TYW1B: variants seen among roughly 807,000 people sequenced by gnomAD.
TYW1B encodes S-adenosyl-L-methionine-dependent tRNA 4-demethylwyosine synthase TYW1B.
TYW1B carries 73 observed loss-of-function variants against 86.9 expected under a neutral mutation model. That is an observed-to-expected ratio of 0.84 (90% CI 0.70 to 1.02). TYW1B has a LOEUF of 1.02. Among genes scored for constraint, TYW1B ranks in the 50% least tolerant of loss-of-function variants. The probability of loss-of-function intolerance (pLI) is 0.00; values close to 1 mark genes in which losing one functional copy is unlikely to be tolerated. For synonymous variants in TYW1B, 248 were observed against 292.8 expected, an observed-to-expected ratio of 0.85 and a Z score of 1.56; for missense variants, 637 against 827.4, an observed-to-expected ratio of 0.77 and a Z score of 2.82.
At chr7:72,739,307 T>A (rs4081066) in intron 8 of TYW1B, among the ~76,000 whole-genome samples, 8,421 of 151,998 alleles carry the variant, frequency 0.055, 557 homozygotes, top group East Asian at 0.34. Flanking sequence ...AGAATTTTTT[T>A]AAAGTGGGTA....
chr7:72,731,024 A>G (rs146207527), intron 8 of TYW1B, among the ~76,000 whole-genome samples: 1,989 of 151,210 alleles, frequency 0.013, 54 homozygotes, highest in African/African-American at 0.046. Context: ...ATTGAAAAGC[A>G]TCACGTCACA....
chr7:72,803,353 G>A (rs782368003), intron 5 of TYW1B, among the ~76,000 whole-genome samples: 9 of 152,058 alleles, frequency 5.9e-5, no homozygotes, highest in Non-Finnish European at 8.8e-5. Flanking sequence ...TCAGGGGAAC[G>A]AGACACATGC....
intron 12 of TYW1B, among the ~76,000 whole-genome samples, chr7:72,628,128 C>G (rs1812395365): frequency 6.6e-6 from 1 of 151,886 alleles, no homozygotes; most frequent in Non-Finnish European, 1.5e-5. Flanking sequence ...CTTCTCTCTA[C>G]AAAAAATAGC....
intron 6 of TYW1B, among the ~76,000 whole-genome samples, chr7:72,797,974 T>C (rs1265029905): frequency 1.3e-5 from 2 of 151,458 alleles, no homozygotes; most frequent in African/African-American, 4.9e-5. Flanking sequence ...GCAAAGTCTT[T>C]CAGTGAACCC....
intron 11 of TYW1B, among the ~76,000 whole-genome samples, chr7:72,668,565 G>A (rs181517451): frequency 2.0e-5 from 3 of 152,104 alleles, no homozygotes; most frequent in East Asian, 1.9e-4. Flanking sequence ...CTCCCCATCC[G>A]ACCCCATGCT....
intron 11 of TYW1B, among the ~76,000 whole-genome samples, chr7:72,693,888 T>C (rs2129570254): frequency 6.6e-6 from 1 of 152,272 alleles, no homozygotes. Flanking sequence ...TTATAAGTAA[T>C]GTAGAGATGA....
chr7:72,725,167 T>A (rs1317767854), intron 9 of TYW1B, among the ~76,000 whole-genome samples: 1 of 152,182 alleles, frequency 6.6e-6, no homozygotes, highest in Non-Finnish European at 1.5e-5. Flanking sequence ...AAAGTCTACC[T>A]CATGGTTTAT....
intron 5 of TYW1B, among the ~76,000 whole-genome samples, chr7:72,803,665 G>A (rs1166364542): frequency 1.3e-5 from 2 of 152,094 alleles, no homozygotes; most frequent in Admixed American, 6.6e-5. Context: ...CCAGGCTGGA[G>A]TGCAGTGGCG....
At chr7:72,636,559 T>C (rs1812672000) in intron 11 of TYW1B, among the ~76,000 whole-genome samples, 1 of 152,258 alleles carries the variant, frequency 6.6e-6, no homozygotes, top group Admixed American at 6.5e-5. Flanking sequence ...ATGACTTTTA[T>C]GGGTAAATAT....
At chr7:72,827,309 GA>G (rs1156745521) in intron 1 of TYW1B, among the ~76,000 whole-genome samples, 1 of 152,214 alleles carries the variant, frequency 6.6e-6, no homozygotes, top group Non-Finnish European at 1.5e-5. Context: ...TCGGGAGGCT[GA>G]GGCAGGAGAA....
chr7:72,737,130 G>A (rs1380983676), intron 8 of TYW1B, among the ~76,000 whole-genome samples: 1 of 152,210 alleles, frequency 6.6e-6, no homozygotes, highest in Non-Finnish European at 1.5e-5. Flanking sequence ...TTCTACAGCT[G>A]AGAAACTGAG....
intron 11 of TYW1B, among the ~76,000 whole-genome samples, chr7:72,660,937 G>C (rs1198664520): frequency 6.6e-6 from 1 of 151,324 alleles, no homozygotes; most frequent in Non-Finnish European, 1.5e-5. Context: ...AGGAGTTCAA[G>C]ACCAGCCTGG....
chr7:72,823,698 G>A (rs1409871871), intron 2 of TYW1B, among the ~76,000 whole-genome samples: 1 of 151,928 alleles, frequency 6.6e-6, no homozygotes, highest in Non-Finnish European at 1.5e-5. Flanking sequence ...CTTTAAGATG[G>A]AAGATGGCTA....
intron 11 of TYW1B, among the ~76,000 whole-genome samples, chr7:72,640,584 G>A (rs1322594513): frequency 3.3e-5 from 5 of 149,588 alleles, no homozygotes; most frequent in African/African-American, 1.2e-4. Flanking sequence ...AAGGTGAGAA[G>A]GGCATTATAA....
In TYW1B at chr7:72,675,094, C is replaced by A. The variant is rs1813704461; in HGVS notation, c.1506+19593G>T. On this transcript the variant is annotated intron_variant, in intron 11 of 13. Transcript: ENST00000620995. Reference sequence around the variant, plus strand: ...AAACAACCGATTCCCAATGAAAAACCTGTAGGAAAATGACAAAACAAAGGC... The same window carrying A: ...AAACAACCGATTCCCAATGAAAAACATGTAGGAAAATGACAAAACAAAGGC... 3.3e-5 allele frequency among the ~76,000 whole-genome samples: 5 copies of A among 151,678 alleles called. No homozygotes were observed. The South Asian group carries it at 1.0e-3, about 32-fold the overall frequency.
Position 72,708,111 on chromosome 7 carries a change from C to A in TYW1B, c.1370+5510G>T, listed in dbSNP as rs543297411. Reference sequence around the variant, plus strand: ...ACAAATTACCCAGTCTCAGTTAGTTCCTTATGGCAATGCGAGAACAGACTA... The same window carrying A: ...ACAAATTACCCAGTCTCAGTTAGTTACTTATGGCAATGCGAGAACAGACTA... On this transcript the variant is annotated intron_variant, in intron 10 of 13. Coordinates refer to ENST00000620995, the MANE Select transcript of TYW1B (RefSeq NM_001145440.3). Among the ~76,000 whole-genome samples, 412 of 152,196 alleles carry A rather than the reference C, an allele frequency of 2.7e-3. 1 individual carries two copies. Among genetic ancestry groups the A allele is most frequent in the African/African-American group, 9.0e-3 (372 of 41,522 alleles).
intron 11 of TYW1B, among the ~76,000 whole-genome samples, chr7:72,638,429 T>C (rs1554441057): frequency 6.6e-6 from 1 of 152,234 alleles, no homozygotes; most frequent in African/African-American, 2.4e-5. Flanking sequence ...CACGTGATTA[T>C]ATCAATAGAT....
chr7:72,711,473 C>CTTT (rs59438928), intron 10 of TYW1B, among the ~76,000 whole-genome samples: 20,717 of 56,654 alleles, frequency 0.37, 8,030 homozygotes, highest in Non-Finnish European at 0.41. Flanking sequence ...CTCTTTAATT[C>CTTT]TTTTTTTTTT....
At chr7:72,827,939 G>A (rs1258743355) in intron 1 of TYW1B, 133 bp downstream of exon 1, 6 of 1,516,818 alleles carry the variant, frequency 4.0e-6, no homozygotes, top group Non-Finnish European at 4.5e-6. Flanking sequence ...CTCAGCGGCG[G>A]CTAGCCGGTG....
Sources: gnomAD v4.1 joint callset for allele counts (sites outside exome capture counted in the v4.1 genomes callset) on GRCh38, gnomAD v4.1.1 for gene constraint, MANE v1.5 for transcripts, NCBI Gene and HGNC (gene_info 2026-07-23, HGNC 2026-07-21) for gene names.